CD82: variants seen among roughly 807,000 people sequenced by gnomAD.
The protein encoded by CD82 is CD82 molecule, also known as CD82 antigen.
A neutral mutation model predicts 37.4 loss-of-function variants in CD82; 36 were observed. That is an observed-to-expected ratio of 0.96 (90% CI 0.74 to 1.27). The LOEUF is 1.27. Ranked by LOEUF, CD82 falls within the 50% of genes most tolerant of loss-of-function variation. The probability of loss-of-function intolerance (pLI) is 0.00; values close to 1 mark genes in which losing one functional copy is unlikely to be tolerated. For synonymous variants in CD82, 158 were observed against 137.4 expected (o/e 1.15, Z -1.05); for missense variants, 340 against 347.0 (o/e 0.98, Z 0.16).
intron 1 of CD82, among the ~76,000 whole-genome samples, chr11:44,567,212 G>A (rs544922079): frequency 6.6e-6 from 1 of 152,124 alleles, no homozygotes. Flanking sequence ...GGGGGCGAGG[G>A]GCAATGTGGG....
At chr11:44,571,425 G>A (rs1316986693) in intron 1 of CD82, among the ~76,000 whole-genome samples, 1 of 152,178 alleles carries the variant, frequency 6.6e-6, no homozygotes, top group East Asian at 1.9e-4. Flanking sequence ...ATCAGTTTCA[G>A]CATCTATAAA....
At position 44,619,035 on chromosome 11, in the gene CD82, G is replaced by C. The variant is rs200090558; in HGVS notation, c.727-14G>C. ...ACACCCAGCCTCCCTCTGACTCTCC[G>C]CCTCTCCCCACAGCTCCTGGGGATG... On this transcript the variant is annotated splice_polypyrimidine_tract_variant and intron_variant, in intron 9 of 9. Transcript: ENST00000227155. 4.3e-6 allele frequency: 7 copies of C among 1,612,444 alleles called. No individual in the cohort carries two copies. In the East Asian group the frequency reaches 6.7e-5, roughly 15 times the overall value.
intron 4 of CD82, among the ~76,000 whole-genome samples, chr11:44,601,777 C>G (rs1315801720): frequency 2.6e-5 from 4 of 152,178 alleles, no homozygotes; most frequent in Non-Finnish European, 5.9e-5. Context: ...AGGGACCTGA[C>G]TCGGTTGGTG....
intron 1 of CD82, among the ~76,000 whole-genome samples, chr11:44,585,463 C>T (rs1853039812): frequency 6.6e-6 from 1 of 152,242 alleles, no homozygotes; most frequent in South Asian, 2.1e-4. Context: ...GCAGATGTGG[C>T]ATCTTTATGC....
intron 1 of CD82, among the ~76,000 whole-genome samples, chr11:44,572,740 T>C (rs1352766605): frequency 6.6e-6 from 1 of 152,224 alleles, no homozygotes; most frequent in Non-Finnish European, 1.5e-5. Flanking sequence ...TTAATGACCA[T>C]TCTGAGCCTC....
rs752146609 is a variant in CD82, at chr11:44,594,714, T to C, written c.52T>C (p.Leu18=). Reference sequence around the variant, plus strand: ...CAAATACTTTCTCTTCCTCTTCAACTTGATCTTCTTTGTAAGTATGTCCCA... The same window carrying C: ...CAAATACTTTCTCTTCCTCTTCAACCTGATCTTCTTTGTAAGTATGTCCCA... The part of the protein sequence containing the change: ...VTKYFLFLFN[L]IFFILGAVIL... The change falls in exon 3 of 10, where the codon TTG becomes CTG. Residue 18 remains leucine (L), a synonymous_variant. Transcript: ENST00000227155. 1.1e-5 allele frequency: 17 copies of C among 1,613,264 alleles called. No individual in the cohort carries two copies. Among genetic ancestry groups the C allele is most frequent in the Non-Finnish European group, 2.5e-6 (3 of 1,179,316 alleles).
At chr11:44,609,147 C>T (rs1048676778) in intron 6 of CD82, among the ~76,000 whole-genome samples, 4 of 152,160 alleles carry the variant, frequency 2.6e-5, no homozygotes, top group African/African-American at 9.7e-5. Flanking sequence ...GAGCAGAGCC[C>T]AGCCCTGGGA....
rs1463099302 is a variant in CD82, at chr11:44,597,339, C to A, written c.63+2614C>A. 6.8e-6 allele frequency among the ~76,000 whole-genome samples: 1 copy of A among 146,082 alleles called. No homozygotes were observed. The highest frequency in any genetic ancestry group is 2.7e-5 in the African/African-American group (1 of 37,732). Reference sequence around the variant, plus strand: ...GAGGGTCCTGGCTCCTGATGGGTCCCATCTGGGGATTGGGGAAGGGCTGGG... The same window carrying A: ...GAGGGTCCTGGCTCCTGATGGGTCCAATCTGGGGATTGGGGAAGGGCTGGG... On this transcript the variant is annotated intron_variant, in intron 3 of 9. Coordinates refer to ENST00000227155, the MANE Select transcript of CD82 (RefSeq NM_002231.4). This position sits in a 1 kb window ranked among gnomAD's most constrained non-coding sequence, Gnocchi z 4.1.
chr11:44,597,287 A>G lies in CD82; in HGVS notation c.63+2562A>G, dbSNP rs1221539077. Among the ~76,000 whole-genome samples, 2 of 152,150 alleles carry G rather than the reference A, an allele frequency of 1.3e-5. No homozygotes were observed. The highest frequency in any genetic ancestry group is 2.9e-5 in the Non-Finnish European group (2 of 68,012). On this transcript the variant is annotated intron_variant, in intron 3 of 9. Coordinates refer to ENST00000227155, the MANE Select transcript of CD82 (RefSeq NM_002231.4). The surrounding 1 kb of genome is among the most constrained non-coding windows in gnomAD (Gnocchi z 4.1). ...ATGCAGAGGCACTGGTGCTGTGGCT[A>G]TGCTGGGGAAGGACGCTCACTGCTC...
intron 1 of CD82, among the ~76,000 whole-genome samples, chr11:44,574,282 A>G (rs1852856977): frequency 6.6e-6 from 1 of 152,170 alleles, no homozygotes; most frequent in Non-Finnish European, 1.5e-5. Flanking sequence ...GTCTGATCCC[A>G]TGGACCACAT....
At chr11:44,605,304 G>T (rs1455620013) in intron 5 of CD82, 51 bp from the exon 6 acceptor site, 1 of 1,611,728 alleles carries the variant, frequency 6.2e-7, no homozygotes, top group Admixed American at 1.7e-5. Context: ...CAGGCTGGGT[G>T]CACCTGGTCG....
chr11:44,581,309 GC>G (rs1465284236), intron 1 of CD82, among the ~76,000 whole-genome samples: 1 of 152,196 alleles, frequency 6.6e-6, no homozygotes, highest in Non-Finnish European at 1.5e-5. Flanking sequence ...CTTGGGCAAG[GC>G]CCTTGACCAC....
intron 1 of CD82, among the ~76,000 whole-genome samples, chr11:44,574,604 G>A (rs573038655): frequency 2.7e-4 from 41 of 152,318 alleles, no homozygotes; most frequent in Non-Finnish European, 5.0e-4. Flanking sequence ...TGAAGAAAGA[G>A]GGTTTTTTTT....
intron 1 of CD82, among the ~76,000 whole-genome samples, chr11:44,567,848 A>G (rs977870785): frequency 1.3e-5 from 2 of 152,254 alleles, no homozygotes; most frequent in Admixed American, 6.5e-5. Flanking sequence ...TCAGGGCCTT[A>G]CAGACTGGGA....
intron 1 of CD82, among the ~76,000 whole-genome samples, chr11:44,571,498 T>C (rs1009876933): frequency 8.5e-5 from 13 of 152,256 alleles, no homozygotes; most frequent in Non-Finnish European, 2.9e-5. Flanking sequence ...AGCTAATGCA[T>C]ATGAAGCATT....
chr11:44,617,562 A>G (rs897325501), intron 7 of CD82, among the ~76,000 whole-genome samples: 19 of 20,262 alleles, frequency 9.4e-4, no homozygotes, highest in Non-Finnish European at 1.5e-4. Context: ...CTGTCTCAGA[A>G]AAAAAAAAAA....
intron 2 of CD82, among the ~76,000 whole-genome samples, chr11:44,591,680 C>T (rs1853147126): frequency 1.3e-5 from 2 of 152,172 alleles, no homozygotes; most frequent in Admixed American, 1.3e-4. Flanking sequence ...GTCTGAGCCT[C>T]TGGTCTGCCA....
In CD82 at chr11:44,619,996, C is replaced by T. The variant is rs1195480431; in HGVS notation, c.*870C>T. The stretch of plus-strand genomic sequence containing the variant: ...GCCTGATGCAGGTCCATCTAGACAG[C>T]TCAGATTAGCCTAGGCCATGCCCTA... On this transcript the variant is annotated 3_prime_UTR_variant, in exon 10 of 10. Coordinates refer to ENST00000227155, the MANE Select transcript of CD82 (RefSeq NM_002231.4). 1 of 151,458 alleles carries T rather than the reference C, an allele frequency of 6.6e-6. No individual in the cohort carries two copies. The allele number at this position is 151,458 out of a possible 1,614,324, so 9.4% of individuals were successfully genotyped here. A position where few individuals can be genotyped will look rare whatever the true frequency, so the allele number is the denominator to read the frequency against.
At position 44,604,350 on chromosome 11, in the gene CD82, G is replaced by A. The variant is rs142603213; in HGVS notation, c.137-708G>A. 505 of 156,166 alleles carry A rather than the reference G, an allele frequency of 3.2e-3. 7 individuals carry two copies. The highest frequency in any genetic ancestry group is 0.022 in the Admixed American group (354 of 16,408). 9.7% of individuals were successfully genotyped at this position (156,166 alleles called of 1,614,324 possible). ...CATCAGTGGAAAGAGTGTGGCACTG[G>A]AGATTTGCATATTTTCAAATTCCAG... is the stretch of plus-strand genomic sequence containing the variant. On this transcript the variant is annotated intron_variant, in intron 4 of 9. Coordinates refer to ENST00000227155, the MANE Select transcript of CD82 (RefSeq NM_002231.4).
Sources: gnomAD v4.1 joint callset for allele counts (sites outside exome capture counted in the v4.1 genomes callset) on GRCh38, gnomAD v4.1.1 for gene constraint, Gnocchi (gnomAD v3.1) non-coding constraint, MANE v1.5 for transcripts, NCBI Gene and HGNC (gene_info 2026-07-23, HGNC 2026-07-21) for gene names.